Variants in TNFRSF8 observed in about 807,000 individuals in gnomAD.
TNFRSF8 encodes the protein tumor necrosis factor receptor superfamily member 8.
In TNFRSF8, 26 loss-of-function variants were observed where a neutral mutation model predicts 70.8. The observed-to-expected ratio is 0.37, with a 90% CI of 0.27 to 0.51. The LOEUF is 0.51. TNFRSF8 is among the 20% of genes least tolerant of loss of function. The pLI, the probability that TNFRSF8 is intolerant of heterozygous loss-of-function variation, is 0.94. For missense variants in TNFRSF8, 720 were observed against 807.9 expected, an observed-to-expected ratio of 0.89 and a Z score of 1.32; for synonymous variants, 356 against 339.2, an observed-to-expected ratio of 1.05 and a Z score of -0.54.
At chr1:12,102,440 C>T (rs1416340216) in intron 3 of TNFRSF8, among the ~76,000 whole-genome samples, 2 of 152,212 alleles carry the variant, frequency 1.3e-5, no homozygotes, top group African/African-American at 4.8e-5. Flanking sequence ...GGGGAGTTGT[C>T]TTCGTTTCTG....
At position 12,110,607 on chromosome 1, in the gene TNFRSF8, C is replaced by A. The variant is rs1557593069; in HGVS notation, c.676+403C>A. On this transcript the variant is annotated intron_variant, in intron 6 of 14. Coordinates refer to ENST00000263932, the MANE Select transcript of TNFRSF8 (RefSeq NM_001243.5). This position sits in a 1 kb window ranked among gnomAD's most constrained non-coding sequence, Gnocchi z 4.0. ...TCGACCCTCAGTCATTTTTCTTTTT[C>A]TTTTTTTTGAGACGGAGTTTCGCTC... 6.6e-6 allele frequency among the ~76,000 whole-genome samples: 1 copy of A among 151,820 alleles called. No homozygotes were observed. Among genetic ancestry groups the A allele is most frequent in the Non-Finnish European group, 1.5e-5 (1 of 67,910 alleles).
chr1:12,142,743 C>G lies in TNFRSF8; in HGVS notation c.*212C>G. On this transcript the variant is annotated 3_prime_UTR_variant, in exon 15 of 15. Transcript: ENST00000263932. The surrounding 1 kb of genome is among the most constrained non-coding windows in gnomAD (Gnocchi z 5.0). ...CCCCTGACCCAGAGCCTAGGGGATC[C>G]GGGGCTTGTACAGAAGAGACAGTCC... The G allele has an allele frequency of 1.6e-6, 1 of 628,152 alleles. No individual in the cohort carries two copies. Among genetic ancestry groups the G allele is most frequent in the East Asian group, 2.8e-5 (1 of 35,374 alleles). The allele number at this position is 628,152 out of a possible 1,614,324, so 38.9% of individuals were successfully genotyped here.
In TNFRSF8 at chr1:12,110,243, T is replaced by C. The variant is rs1190592340; in HGVS notation, c.676+39T>C. The C allele has an allele frequency of 2.0e-6, 3 of 1,532,330 alleles. No individual in the cohort carries two copies. Among genetic ancestry groups the C allele is most frequent in the South Asian group, 2.6e-5 (2 of 78,228 alleles). The allele number at this position is 1,532,330 out of a possible 1,614,324, so 94.9% of individuals were successfully genotyped here. A position where few individuals can be genotyped will look rare whatever the true frequency, so the allele number is the denominator to read the frequency against. On this transcript the variant is annotated intron_variant, in intron 6 of 14. Transcript: ENST00000263932. This position sits in a 1 kb window ranked among gnomAD's most constrained non-coding sequence, Gnocchi z 4.0. ...GAAGCTGTGGGTCGTCTCCCTGGGG[T>C]GCTCGATTGGTGGATGGCCCATGAG...
At chr1:12,075,556 T>G (rs376933595) in intron 1 of TNFRSF8, among the ~76,000 whole-genome samples, 5 of 152,324 alleles carry the variant, frequency 3.3e-5, no homozygotes, top group Admixed American at 6.5e-5. Flanking sequence ...TGGGCTCCCC[T>G]GGATAATCCA....
intron 2 of TNFRSF8, among the ~76,000 whole-genome samples, chr1:12,093,876 CT>C (rs1641286279): frequency 6.6e-6 from 1 of 151,850 alleles, no homozygotes; most frequent in Admixed American, 6.6e-5. Flanking sequence ...TCGAGAGCAT[CT>C]TGGCTAACAC....
At position 12,126,024 on chromosome 1, in the gene TNFRSF8, G is replaced by A; in HGVS notation, c.1227G>A (p.Arg409=). The A allele has an allele frequency of 1.2e-6, 2 of 1,614,192 alleles. No homozygotes were observed. Among genetic ancestry groups the A allele is most frequent in the Non-Finnish European group, 1.7e-6 (2 of 1,180,022 alleles). Residue 409 remains arginine (R), a synonymous_variant, in exon 11 of 15, where the codon CGG becomes CGA. Transcript: ENST00000263932. ...VGSSAFLLCH[R]RACRKRIRQK... is the part of the protein sequence containing the mutation. ...CCAGCGCCTTCCTCCTGTGCCACCG[G>A]AGGGCCTGCAGGAAGCGAATTCGGC...
chr1:12,142,449 T>C lies in TNFRSF8; in HGVS notation c.1706T>C (p.Leu569Pro), dbSNP rs570552219. The C allele has an allele frequency of 1.2e-6, 2 of 1,612,538 alleles. No individual in the cohort carries two copies. The highest frequency in any genetic ancestry group is 1.3e-5 in the African/African-American group (1 of 75,010). Residue 569 changes from leucine to proline, a missense_variant, in exon 15 of 15, where the codon CTG becomes CCG. By Grantham distance (98) the Leu-to-Pro change is moderately conservative. Coordinates refer to ENST00000263932, the MANE Select transcript of TNFRSF8 (RefSeq NM_001243.5). The surrounding 1 kb of genome is among the most constrained non-coding windows in gnomAD (Gnocchi z 5.0). ...CCCGAGCAGGAGACAGAACCGCCTC[T>C]GGGCAGCTGCAGCGATGTCATGCTC... ...HYPEQETEPP[L>P]GSCSDVMLSV...
intron 1 of TNFRSF8, among the ~76,000 whole-genome samples, chr1:12,082,494 G>A (rs1641081695): frequency 6.7e-6 from 1 of 149,090 alleles, no homozygotes; most frequent in Admixed American, 6.8e-5. Flanking sequence ...AGGCTGCAGT[G>A]AGCCATGATT....
At chr1:12,087,908 T>A (rs2100973118) in intron 2 of TNFRSF8, among the ~76,000 whole-genome samples, 1 of 152,144 alleles carries the variant, frequency 6.6e-6, no homozygotes, top group South Asian at 2.1e-4. Context: ...ATACTCCATA[T>A]TGGTGTGGTG....
In TNFRSF8 at chr1:12,113,605, G is replaced by A. The variant is rs953759507; in HGVS notation, c.793+1591G>A. Among the ~76,000 whole-genome samples, 4 of 151,950 alleles carry A rather than the reference G, an allele frequency of 2.6e-5. No individual in the cohort carries two copies. Among genetic ancestry groups the A allele is most frequent in the Non-Finnish European group, 5.9e-5 (4 of 67,978 alleles). ...ACAGAATGAGAGGGAGAGAGAGAGT[G>A]AGAGAGAGACAGAAAGAGGGAGAGA... On this transcript the variant is annotated intron_variant, in intron 7 of 14. Coordinates refer to ENST00000263932, the MANE Select transcript of TNFRSF8 (RefSeq NM_001243.5). The surrounding 1 kb of genome is among the most constrained non-coding windows in gnomAD (Gnocchi z 4.9).
At chr1:12,087,357 G>T (rs6675841) in intron 2 of TNFRSF8, among the ~76,000 whole-genome samples, 27,221 of 151,666 alleles carry the variant, frequency 0.18, 2,646 homozygotes, top group African/African-American at 0.22. Flanking sequence ...TAGTAGAGAT[G>T]GGGTTTCACC....
At chr1:12,133,922 A>G (rs7521877) in intron 12 of TNFRSF8, among the ~76,000 whole-genome samples, 2,450 of 152,006 alleles carry the variant, frequency 0.016, 58 homozygotes, top group African/African-American at 0.057. Context: ...GCGTGGTGGC[A>G]CATGTCGGTA....
rs1383130286 is a variant in TNFRSF8, at chr1:12,123,868, C to T, written c.1153+41C>T. The T allele has an allele frequency of 2.7e-6, 4 of 1,483,254 alleles. No homozygotes were observed. The African/African-American group carries it at 4.2e-5, about 15-fold the overall frequency. 91.9% of individuals were successfully genotyped at this position (1,483,254 alleles called of 1,614,324 possible). ...CACTCACCCCTACTCCCAGCAGGGG[C>T]TTCCTCCTGGGGAAGTGTGGATTGG... On this transcript the variant is annotated intron_variant, in intron 10 of 14. Coordinates refer to ENST00000263932, the MANE Select transcript of TNFRSF8 (RefSeq NM_001243.5).
At chr1:12,086,036 CA>C (rs1641147833) in intron 2 of TNFRSF8, among the ~76,000 whole-genome samples, 2 of 152,204 alleles carry the variant, frequency 1.3e-5, no homozygotes, top group Non-Finnish European at 2.9e-5. Flanking sequence ...AGTGGGCGGG[CA>C]TCGTCTGGAG....
Position 12,138,050 on chromosome 1 carries a change from A to G in TNFRSF8, c.1336-179A>G, listed in dbSNP as rs1325274920. 6.6e-6 allele frequency among the ~76,000 whole-genome samples: 1 copy of G among 152,154 alleles called. No individual in the cohort carries two copies. Among genetic ancestry groups the G allele is most frequent in the Non-Finnish European group, 1.5e-5 (1 of 68,012 alleles). ...TTACCCCTACTATTTAGTACAAATT[A>G]AAAGCAACAGACTTCACCCAGAAAG... On this transcript the variant is annotated intron_variant, in intron 13 of 14. Coordinates refer to ENST00000263932, the MANE Select transcript of TNFRSF8 (RefSeq NM_001243.5). The surrounding 1 kb of genome is among the most constrained non-coding windows in gnomAD (Gnocchi z 5.7).
At chr1:12,082,611 C>A (rs1641085938) in intron 1 of TNFRSF8, among the ~76,000 whole-genome samples, 1 of 149,860 alleles carries the variant, frequency 6.7e-6, no homozygotes, top group Admixed American at 6.6e-5. Flanking sequence ...AAAACAAAAA[C>A]CACGCCTTCC....
intron 1 of TNFRSF8, among the ~76,000 whole-genome samples, chr1:12,069,112 C>T (rs1640792006): frequency 6.8e-6 from 1 of 147,490 alleles, no homozygotes; most frequent in East Asian, 2.0e-4. Context: ...ACCTCGTGAT[C>T]CACCCGCCTC....
Position 12,142,840 on chromosome 1 carries a change from C to T in TNFRSF8, c.*309C>T. 1 of 335,314 alleles carries T rather than the reference C, an allele frequency of 3.0e-6. No individual in the cohort carries two copies. The highest frequency in any genetic ancestry group is 4.8e-5 in the South Asian group (1 of 20,982). The allele number at this position is 335,314 out of a possible 1,614,324, so 20.8% of individuals were successfully genotyped here. ...ATGGCAGGATGGGCACTGCCGAGAA[C>T]AGCATTGGTCCCAGAGCCCTGGGCA... On this transcript the variant is annotated 3_prime_UTR_variant, in exon 15 of 15. Coordinates refer to ENST00000263932, the MANE Select transcript of TNFRSF8 (RefSeq NM_001243.5). The surrounding 1 kb of genome is among the most constrained non-coding windows in gnomAD (Gnocchi z 5.0).
At position 12,110,961 on chromosome 1, in the gene TNFRSF8, C is replaced by T. The variant is rs983167254; in HGVS notation, c.676+757C>T. Among the ~76,000 whole-genome samples, 2 of 152,068 alleles carry T rather than the reference C, an allele frequency of 1.3e-5. No individual in the cohort carries two copies. The highest frequency in any genetic ancestry group is 2.9e-5 in the Non-Finnish European group (2 of 68,020). ...GTAGATATGCCGAGCTCTGTTTATC[C>T]AGTTTTTGAATATTTGGGTTGTTTC... On this transcript the variant is annotated intron_variant, in intron 6 of 14. Coordinates refer to ENST00000263932, the MANE Select transcript of TNFRSF8 (RefSeq NM_001243.5). This position sits in a 1 kb window ranked among gnomAD's most constrained non-coding sequence, Gnocchi z 4.0.
Sources: allele counts gnomAD v4.1 joint callset (sites outside exome capture counted in the v4.1 genomes callset), GRCh38; gene constraint gnomAD v4.1.1; non-coding constraint Gnocchi (gnomAD v3.1); transcripts MANE v1.5; gene names NCBI Gene and HGNC (gene_info 2026-07-23, HGNC 2026-07-21).